Variants in CCDC73 observed in about 807,000 individuals in gnomAD.
CCDC73 encodes the protein coiled-coil domain-containing protein 73.
In CCDC73, 95 loss-of-function variants were observed where a neutral mutation model predicts 116.5. The observed-to-expected ratio is 0.82, with a 90% CI of 0.69 to 0.97. The LOEUF is 0.97. Among genes scored for constraint, CCDC73 ranks in the 50% least tolerant of loss-of-function variants. The probability of loss-of-function intolerance (pLI) is 0.00; values close to 1 mark genes in which losing one functional copy is unlikely to be tolerated. For synonymous variants in CCDC73, 398 were observed against 401.3 expected, an observed-to-expected ratio of 0.99 and a Z score of 0.10; for missense variants, 1,066 against 1,206.8, an observed-to-expected ratio of 0.88 and a Z score of 1.73.
At chr11:32,603,735 A>C (rs1386188633) in intron 17 of CCDC73, 1 of 152,198 alleles carries the variant, frequency 6.6e-6, no homozygotes, top group Non-Finnish European at 1.5e-5. Context: ...CATGCAAAAC[A>C]ATCTTTGATG....
At chr11:32,759,438 C>T (rs1412882863) in intron 2 of CCDC73, among the ~76,000 whole-genome samples, 1 of 148,550 alleles carries the variant, frequency 6.7e-6, no homozygotes, top group Non-Finnish European at 1.5e-5. Context: ...TCAAGCAATT[C>T]TTATGCCTCA....
chr11:32,772,830 T>C (rs1303008250), intron 1 of CCDC73, among the ~76,000 whole-genome samples: 3 of 152,118 alleles, frequency 2.0e-5, no homozygotes, highest in South Asian at 4.1e-4. Context: ...ATGTGAGAAA[T>C]TGGAACCTTC....
chr11:32,788,476 CT>C (rs35792191), intron 1 of CCDC73, among the ~76,000 whole-genome samples: 7,964 of 139,912 alleles, frequency 0.057, 191 homozygotes, highest in African/African-American at 0.073. Context: ...TGGTACAAAT[CT>C]TTTTTTTTTT....
intron 2 of CCDC73, among the ~76,000 whole-genome samples, chr11:32,751,628 T>C (rs1235891871): frequency 2.0e-5 from 3 of 152,202 alleles, no homozygotes; most frequent in African/African-American, 7.2e-5. Flanking sequence ...ACAGATTGTT[T>C]TTCCACATCA....
At chr11:32,616,376 A>G (rs575359933) in intron 14 of CCDC73, among the ~76,000 whole-genome samples, 2 of 152,348 alleles carry the variant, frequency 1.3e-5, no homozygotes, top group Middle Eastern at 3.4e-3. Flanking sequence ...AAACATGCAT[A>G]CCACATTATT....
At chr11:32,736,631 T>C (rs1261793172) in intron 2 of CCDC73, among the ~76,000 whole-genome samples, 4 of 151,874 alleles carry the variant, frequency 2.6e-5, no homozygotes, top group Non-Finnish European at 4.4e-5. Context: ...GAACTAGAAA[T>C]ACCATTTGAC....
the CCDC73 span, among the ~76,000 whole-genome samples, chr11:32,801,640 CAA>C: frequency 0.3 from 38,485 of 130,200 alleles, 5,891 homozygotes; most frequent in East Asian, 0.8. Flanking sequence ...GACTCCATCT[CAA>C]AAAAAAAAAA....
intron 1 of CCDC73, among the ~76,000 whole-genome samples, chr11:32,765,347 T>C (rs1300313265): frequency 2.0e-5 from 3 of 152,130 alleles, no homozygotes; most frequent in Admixed American, 6.5e-5. Context: ...TATTCCAAAA[T>C]TGACCACATA....
intron 2 of CCDC73, among the ~76,000 whole-genome samples, chr11:32,745,103 C>A (rs192733615): frequency 6.6e-5 from 10 of 152,186 alleles, no homozygotes; most frequent in African/African-American, 2.2e-4. Flanking sequence ...TGGTACATTG[C>A]GTCTTTGTTC....
intron 2 of CCDC73, among the ~76,000 whole-genome samples, chr11:32,734,415 ATTTT>A (rs71463367): frequency 7.3e-6 from 1 of 136,564 alleles, no homozygotes; most frequent in Non-Finnish European, 1.5e-5. Flanking sequence ...TCCCTAACTC[ATTTT>A]TTTTTCTTTT....
chr11:32,604,897 G>A (rs1174969102), intron 17 of CCDC73: 1 of 152,132 alleles, frequency 6.6e-6, no homozygotes, highest in African/African-American at 2.4e-5. Context: ...CTGTCGCCCA[G>A]GCTGGAGTGC....
chr11:32,828,387 G>A, the CCDC73 span, among the ~76,000 whole-genome samples: 2 of 151,822 alleles, frequency 1.3e-5, no homozygotes, highest in African/African-American at 2.4e-5. Flanking sequence ...GTGGATGCCT[G>A]TAATCCCAGC....
At chr11:32,830,235 C>T in the CCDC73 span, 9 of 1,066,156 alleles carry the variant, frequency 8.4e-6, no homozygotes, top group Non-Finnish European at 1.0e-5. Flanking sequence ...GCCACCTCGG[C>T]GGACTGGGTT....
chr11:32,809,315 G>A, the CCDC73 span, among the ~76,000 whole-genome samples: 1 of 152,294 alleles, frequency 6.6e-6, no homozygotes, highest in East Asian at 1.9e-4. Flanking sequence ...TAAGAAGCAT[G>A]GAGGAGTAGA....
intron 1 of CCDC73, among the ~76,000 whole-genome samples, chr11:32,790,139 AAGT>A (rs1850662593): frequency 6.6e-6 from 1 of 152,140 alleles, no homozygotes. Context: ...AGAAGCAGGC[AAGT>A]CTTAGGGGGT....
chr11:32,663,638 G>T (rs142503441), intron 9 of CCDC73, among the ~76,000 whole-genome samples: 3,978 of 152,182 alleles, frequency 0.026, 64 homozygotes, highest in Non-Finnish European at 0.04. Flanking sequence ...GAGACAATTT[G>T]ACTTCCTCTT....
intron 3 of CCDC73, among the ~76,000 whole-genome samples, chr11:32,708,748 T>C (rs1041937527): frequency 9.2e-5 from 14 of 152,216 alleles, no homozygotes; most frequent in African/African-American, 3.4e-4. Flanking sequence ...TACTGATTTG[T>C]GTACATTAAT....
intron 1 of CCDC73, among the ~76,000 whole-genome samples, chr11:32,760,691 T>C (rs900085183): frequency 1.3e-5 from 2 of 152,150 alleles, no homozygotes; most frequent in Non-Finnish European, 2.9e-5. Flanking sequence ...GCTGGAAAAA[T>C]TGCCTTTTAT....
the CCDC73 span, among the ~76,000 whole-genome samples, chr11:32,808,921 T>C: frequency 6.6e-6 from 1 of 152,226 alleles, no homozygotes; most frequent in East Asian, 1.9e-4. Context: ...TCTATTCACA[T>C]ATAGGTCTAT....
Sources: gnomAD v4.1 joint callset for allele counts (sites outside exome capture counted in the v4.1 genomes callset) on GRCh38, gnomAD v4.1.1 for gene constraint, MANE v1.5 for transcripts, NCBI Gene and HGNC (gene_info 2026-07-23, HGNC 2026-07-21) for gene names.